The following GABRB1 variants were observed in gnomAD, a reference collection of about 807,000 sequenced individuals.
GABRB1 encodes gamma-aminobutyric acid type A receptor subunit beta1.
GABRB1 carries 17 observed loss-of-function variants against 51.6 expected under a neutral mutation model. The observed-to-expected ratio is 0.33, with a 90% CI of 0.23 to 0.49. The LOEUF (loss-of-function observed/expected upper bound fraction) is 0.49, where lower values mean the gene tolerates loss of function less well. Among genes scored for constraint, GABRB1 ranks in the 20% least tolerant of loss-of-function variants. GABRB1 has a pLI of 0.99. For missense variants in GABRB1, 410 were observed against 600.6 expected (o/e 0.68, Z 3.32); for synonymous variants, 247 against 218.9 (o/e 1.13, Z -1.14).
At chr4:47,415,229 G>T (rs1417912703) in intron 8 of GABRB1, among the ~76,000 whole-genome samples, 1 of 152,218 alleles carries the variant, frequency 6.6e-6, no homozygotes, top group Non-Finnish European at 1.5e-5. Flanking sequence ...AAAGAGGAGG[G>T]AGAGGGATTT....
intron 5 of GABRB1, among the ~76,000 whole-genome samples, chr4:47,354,761 C>T (rs1472888444): frequency 6.6e-6 from 1 of 151,584 alleles, no homozygotes; most frequent in East Asian, 1.9e-4. Flanking sequence ...CAATTTACCT[C>T]ACTTTTTTTT....
intron 3 of GABRB1, among the ~76,000 whole-genome samples, chr4:47,074,329 T>G (rs1159900667): frequency 6.6e-6 from 1 of 152,216 alleles, no homozygotes; most frequent in Non-Finnish European, 1.5e-5. Context: ...GCTTAAAGTA[T>G]TTTGTAGCTT....
chr4:47,246,077 C>T (rs1721726214), intron 4 of GABRB1, among the ~76,000 whole-genome samples: 4 of 149,128 alleles, frequency 2.7e-5, no homozygotes, highest in South Asian at 4.3e-4. Context: ...CTCATTCTCC[C>T]CCCCCAAGTC....
chr4:47,409,085 G>C (rs1728674224), intron 8 of GABRB1, among the ~76,000 whole-genome samples: 1 of 152,180 alleles, frequency 6.6e-6, no homozygotes, highest in African/African-American at 2.4e-5. Flanking sequence ...CTTATGGGAG[G>C]GGGAGCATGC....
chr4:47,012,674 A>G (rs941128117), intron 1 of GABRB1, among the ~76,000 whole-genome samples: 5 of 152,340 alleles, frequency 3.3e-5, no homozygotes, highest in Admixed American at 1.3e-4. Flanking sequence ...TGCATTCCTC[A>G]GTAGCTTGTC....
chr4:47,167,393 C>A (rs1718233706), intron 4 of GABRB1, among the ~76,000 whole-genome samples: 1 of 151,712 alleles, frequency 6.6e-6, no homozygotes. Flanking sequence ...TTTAGTGGAG[C>A]ATTTAACCTC....
chr4:47,331,722 T>C lies in GABRB1; in HGVS notation c.544+11513T>C, dbSNP rs75518589. Among the ~76,000 whole-genome samples, 399 of 152,302 alleles carry C rather than the reference T, an allele frequency of 2.6e-3. 1 individual carries two copies. The highest frequency in any genetic ancestry group is 9.5e-3 in the African/African-American group (395 of 41,576). On this transcript the variant is annotated intron_variant, in intron 5 of 8. Transcript: ENST00000295454. ...CTTGCTGAACTAAGGAACTTTTTGA[T>C]TCACTTGAGATCCAAACTTGATAAT...
chr4:47,008,851 ACC>A (rs1560494499), intron 1 of GABRB1, among the ~76,000 whole-genome samples: 1 of 23,422 alleles, frequency 4.3e-5, no homozygotes, highest in Non-Finnish European at 8.2e-5. Context: ...ATCAGATACT[ACC>A]TTTTTTTTTT....
At chr4:47,238,619 A>G (rs1436402747) in intron 4 of GABRB1, among the ~76,000 whole-genome samples, 1 of 152,156 alleles carries the variant, frequency 6.6e-6, no homozygotes, top group Non-Finnish European at 1.5e-5. Flanking sequence ...TGCAGGGAGC[A>G]TACTTCAAGA....
intron 4 of GABRB1, among the ~76,000 whole-genome samples, chr4:47,225,101 G>A (rs1488686650): frequency 2.0e-5 from 3 of 152,002 alleles, no homozygotes; most frequent in East Asian, 1.9e-4. Context: ...CTCCATGTTG[G>A]TCAGGCTGGT....
At chr4:47,117,077 G>A (rs1009736965) in intron 3 of GABRB1, among the ~76,000 whole-genome samples, 2 of 152,098 alleles carry the variant, frequency 1.3e-5, no homozygotes, top group African/African-American at 4.8e-5. Flanking sequence ...ATGAGATTTG[G>A]TGGGGACATA....
chr4:47,139,333 G>A (rs971275514), intron 3 of GABRB1, among the ~76,000 whole-genome samples: 2 of 151,992 alleles, frequency 1.3e-5, no homozygotes, highest in African/African-American at 4.8e-5. Context: ...TGGTTTTAGG[G>A]TCCATATCAT....
intron 4 of GABRB1, among the ~76,000 whole-genome samples, chr4:47,188,711 A>G (rs1438321515): frequency 6.6e-6 from 1 of 152,026 alleles, no homozygotes; most frequent in East Asian, 1.9e-4. Flanking sequence ...ATCAAGATTG[A>G]CTTCATTAAA....
At chr4:47,221,065 C>A (rs749927860) in intron 4 of GABRB1, among the ~76,000 whole-genome samples, 13 of 152,012 alleles carry the variant, frequency 8.6e-5, no homozygotes, top group Non-Finnish European at 1.6e-4. Context: ...TTCCTCCATC[C>A]TTTCTCCAAC....
chr4:47,041,917 A>T (rs1725861630), intron 3 of GABRB1, among the ~76,000 whole-genome samples: 1 of 151,984 alleles, frequency 6.6e-6, no homozygotes, highest in Non-Finnish European at 1.5e-5. Context: ...TTTTCTATGG[A>T]GTCTTTTCTG....
At chr4:47,150,108 C>A (rs1461454031) in intron 3 of GABRB1, among the ~76,000 whole-genome samples, 1 of 151,456 alleles carries the variant, frequency 6.6e-6, no homozygotes, top group Non-Finnish European at 1.5e-5. Flanking sequence ...ATATTGAGCT[C>A]CAGAACATGG....
chr4:47,002,840 C>G (rs1724271068), intron 1 of GABRB1, among the ~76,000 whole-genome samples: 1 of 152,056 alleles, frequency 6.6e-6, no homozygotes, highest in African/African-American at 2.4e-5. Context: ...TGGCATTAAC[C>G]ATAATTTTAA....
chr4:47,022,333 T>A (rs913305664), intron 1 of GABRB1, among the ~76,000 whole-genome samples: 8 of 152,202 alleles, frequency 5.3e-5, no homozygotes, highest in African/African-American at 1.9e-4. Context: ...GAATGTTAGT[T>A]TTTTAGAGTA....
At chr4:47,016,401 A>G (rs913511330) in intron 1 of GABRB1, among the ~76,000 whole-genome samples, 5 of 152,126 alleles carry the variant, frequency 3.3e-5, no homozygotes, top group African/African-American at 1.2e-4. Context: ...AATGTGTAAT[A>G]AAAATTTTTG....
Sources: gnomAD v4.1 joint callset for allele counts (sites outside exome capture counted in the v4.1 genomes callset) on GRCh38, gnomAD v4.1.1 for gene constraint, MANE v1.5 for transcripts, NCBI Gene and HGNC (gene_info 2026-07-23, HGNC 2026-07-21) for gene names.